Variants in NUP205 observed in about 807,000 individuals in gnomAD.
NUP205 encodes the protein nucleoporin 205.
NUP205 carries 76 observed loss-of-function variants against 253.8 expected under a neutral mutation model. That is an observed-to-expected ratio of 0.30 (90% CI 0.25 to 0.36). NUP205 has a LOEUF of 0.36. NUP205 is among the 10% of genes least tolerant of loss of function. The pLI is 1.00. For synonymous variants in NUP205, 832 were observed against 850.1 expected, an observed-to-expected ratio of 0.98 and a Z score of 0.37; for missense variants, 2,162 against 2,425.5, an observed-to-expected ratio of 0.89 and a Z score of 2.28.
Position 135,628,011 on chromosome 7 carries a change from C to G in NUP205, c.4832C>G (p.Thr1611Ser). Residue 1611 changes from threonine (T) to serine (S), a missense_variant, in exon 34 of 43, where the codon ACC (threonine) becomes AGC (serine). Transcript: ENST00000285968. ...GMRDPPMFIP[T>S]PVDRYRQILL... The stretch of plus-strand genomic sequence containing the variant: ...AGAGACCCTCCAATGTTCATCCCTA[C>G]CCCAGTGGATCGCTACCGCCAGATT... 6.2e-7 allele frequency: 1 copy of G among 1,611,950 alleles called. No individual in the cohort carries two copies. The highest frequency in any genetic ancestry group is 8.5e-7 in the Non-Finnish European group (1 of 1,179,572).
intron 38 of NUP205, 63 bp downstream of exon 38, chr7:135,638,746 C>A: frequency 1.3e-6 from 2 of 1,557,288 alleles, no homozygotes. Context: ...ACATAGCTCT[C>A]CAGCTTGGCT....
At position 135,567,126 on chromosome 7, in the gene NUP205, GTGTATATATATATATATATATATATA is replaced by G. The variant is rs1163426654; in HGVS notation, c.29-3977_29-3952del. On this transcript the variant is annotated intron_variant, in intron 1 of 42. Coordinates refer to ENST00000285968, the MANE Select transcript of NUP205 (RefSeq NM_015135.3). ...TCTGTCTGTCTTGCTCAGTCTATGT[GTGTATATATATATATATATATATATA>G]TATATATATATATATATATATATAT... Among the ~76,000 whole-genome samples the G allele has an allele frequency of 5.6e-4, 3 of 5,364 alleles. 1 individual carries two copies. The highest frequency in any genetic ancestry group is 1.5e-3 in the Non-Finnish European group (3 of 2,028). The allele number at this position is 5,364 out of a possible 152,430, so 3.5% of individuals were successfully genotyped here.
chr7:135,559,772 G>C (rs534314205), intron 1 of NUP205, among the ~76,000 whole-genome samples: 146 of 148,406 alleles, frequency 9.8e-4, no homozygotes, highest in Middle Eastern at 7.0e-3. Flanking sequence ...GCTCACTGCA[G>C]CCTCCACCTC....
intron 19 of NUP205, among the ~76,000 whole-genome samples, chr7:135,605,927 T>C (rs1794077623): frequency 6.6e-6 from 1 of 152,024 alleles, no homozygotes; most frequent in Admixed American, 6.6e-5. Flanking sequence ...ATCAATGAAT[T>C]TATAAAACTT....
At chr7:135,637,018 A>G (rs139684196) in intron 36 of NUP205, among the ~76,000 whole-genome samples, 1 of 152,328 alleles carries the variant, frequency 6.6e-6, no homozygotes, top group East Asian at 1.9e-4. Context: ...AAATAAATAA[A>G]TAAAATAATA....
At chr7:135,632,883 C>T (rs934990429) in intron 35 of NUP205, among the ~76,000 whole-genome samples, 19 of 152,148 alleles carry the variant, frequency 1.2e-4, no homozygotes, top group Non-Finnish European at 1.5e-5. Flanking sequence ...CATACAGCTC[C>T]TGCCCATCCT....
intron 31 of NUP205, 70 bp downstream of exon 31, chr7:135,622,995 C>T (rs1428877282): frequency 6.7e-6 from 10 of 1,496,864 alleles, no homozygotes; most frequent in Middle Eastern, 1.7e-4. Flanking sequence ...AACTGATTCA[C>T]GGCTGGGTGT....
At chr7:135,563,061 C>G (rs888787461) in intron 1 of NUP205, among the ~76,000 whole-genome samples, 1 of 152,204 alleles carries the variant, frequency 6.6e-6, no homozygotes, top group Non-Finnish European at 1.5e-5. Flanking sequence ...GCCTAGTTAT[C>G]ACTTCCTCAT....
rs774202007 is a variant in NUP205, at chr7:135,593,032, A to G, written c.1670A>G (p.His557Arg). ...GGTGGCAGTCCTGTTTCCTGGGAAC[A>G]TTTCTTTCACTCCTTGATGCTTTAC... ...GAGGSPVSWE[H>R]FFHSLMLYHE... The change falls in exon 12 of 43, where the codon CAT becomes CGT. Residue 557 changes from histidine to arginine, a missense_variant. Coordinates refer to ENST00000285968, the MANE Select transcript of NUP205 (RefSeq NM_015135.3). 15 of 1,613,926 alleles carry G rather than the reference A, an allele frequency of 9.3e-6. No individual in the cohort carries two copies. The highest frequency in any genetic ancestry group is 2.7e-5 in the African/African-American group (2 of 74,898).
intron 7 of NUP205, among the ~76,000 whole-genome samples, chr7:135,583,629 G>A (rs117805508): frequency 0.025 from 3,805 of 151,922 alleles, 79 homozygotes; most frequent in South Asian, 0.077. Context: ...GTGTGTTGGC[G>A]CACACCTATA....
chr7:135,601,731 G>T (rs1793969073), intron 17 of NUP205, among the ~76,000 whole-genome samples: 1 of 152,156 alleles, frequency 6.6e-6, no homozygotes. Context: ...TCACTGCAGG[G>T]TCTTTTGTAG....
chr7:135,625,923 G>C (rs1187341803), intron 32 of NUP205, among the ~76,000 whole-genome samples: 1 of 152,068 alleles, frequency 6.6e-6, no homozygotes, highest in African/African-American at 2.4e-5. Context: ...ATGGCACTAG[G>C]TACTAGAGAC....
rs575896393 is a variant in NUP205, at chr7:135,589,095, C to T, written c.1473+1103C>T. Among the ~76,000 whole-genome samples, 14 of 150,176 alleles carry T rather than the reference C, an allele frequency of 9.3e-5. 1 individual carries two copies. The highest frequency in any genetic ancestry group is 1.8e-4 in the Non-Finnish European group (12 of 67,478). On this transcript the variant is annotated intron_variant, in intron 10 of 42. Coordinates refer to ENST00000285968, the MANE Select transcript of NUP205 (RefSeq NM_015135.3). ...TGAGGCAAGAGGACACGTTGAGCCC[C>T]GGGGTTTGAGGTTACAGTGAGATGT...
chr7:135,645,470 A>G lies in NUP205; in HGVS notation c.5686A>G (p.Ile1896Val), dbSNP rs1325719131. 2 of 1,613,472 alleles carry G rather than the reference A, an allele frequency of 1.2e-6. No homozygotes were observed. Among genetic ancestry groups the G allele is most frequent in the Non-Finnish European group, 1.7e-6 (2 of 1,179,740 alleles). ...CTTTAATCTGAGCTCTGGTATAGTT[A>G]TCATAGAGACCTGCCTATTTATTCT... is the stretch of plus-strand genomic sequence containing the variant. ...RAKLLSLCSF[I>V]IETCLFILWR... is the part of the protein sequence containing the mutation. Residue 1896 changes from isoleucine to valine, a missense_variant and splice_region_variant, in exon 41 of 43, where the codon ATC becomes GTC. Around this residue, in one of 5 missense-constraint regions of NUP205, gnomAD observed 1,144 missense variants for 1,280.9 expected, o/e 0.89. Transcript: ENST00000285968.
chr7:135,640,618 A>G (rs967737244), intron 38 of NUP205, among the ~76,000 whole-genome samples: 1 of 152,092 alleles, frequency 6.6e-6, no homozygotes, highest in Non-Finnish European at 1.5e-5. Flanking sequence ...TTTTCGTTTT[A>G]TGCCATGGAT....
At chr7:135,570,741 A>AT in intron 1 of NUP205, among the ~76,000 whole-genome samples, 1 of 71,508 alleles carries the variant, frequency 1.4e-5, no homozygotes, top group Non-Finnish European at 2.7e-5. Flanking sequence ...TATTATATTA[A>AT]TATATTAATT....
At chr7:135,591,397 G>A in intron 10 of NUP205, 53 bp from the exon 11 acceptor site, 3 of 1,507,238 alleles carry the variant, frequency 2.0e-6, no homozygotes, top group Non-Finnish European at 2.8e-6. Context: ...AGTCCGTGTT[G>A]CCTTAAAGTT....
intron 36 of NUP205, 89 bp downstream of exon 36, chr7:135,635,746 A>T: frequency 1.5e-6 from 1 of 659,874 alleles, no homozygotes. Context: ...GATTTGGGAA[A>T]CCCCTTTCAA....
rs1334657698 is a variant in NUP205, at chr7:135,608,043, TTA to T, written c.3195+673_3195+674del. On this transcript the variant is annotated intron_variant, in intron 22 of 42. Transcript: ENST00000285968. ...GAAAGCACTTTTTTTTTTTTTTTTT[TTA>T]ATATGGAGTCTCGCTCTGTTGCCCA... Among the ~76,000 whole-genome samples, 490 of 146,112 alleles carry T rather than the reference TTA, an allele frequency of 3.4e-3. 1 individual carries two copies. The highest frequency in any genetic ancestry group is 0.012 in the African/African-American group (461 of 38,582).
Sources: allele counts gnomAD v4.1 joint callset (sites outside exome capture counted in the v4.1 genomes callset), GRCh38; gene constraint gnomAD v4.1.1; regional missense constraint gnomAD v4.1.1; transcripts MANE v1.5; gene names NCBI Gene and HGNC (gene_info 2026-07-23, HGNC 2026-07-21).